The following PCDH7 variants were observed in gnomAD, a reference collection of about 807,000 sequenced individuals.
PCDH7 encodes protocadherin-7.
A neutral mutation model predicts 58.9 loss-of-function variants in PCDH7; 17 were observed. The ratio of observed to expected loss-of-function variants is 0.29; its 90% confidence interval spans 0.20 to 0.43. The LOEUF (loss-of-function observed/expected upper bound fraction) is 0.43. Ranked by LOEUF, PCDH7 falls within the 20% of genes least tolerant of loss-of-function variation. The pLI, the probability that PCDH7 is intolerant of heterozygous loss-of-function variation, is 1.00. For synonymous variants in PCDH7, 664 were observed against 616.4 expected, an observed-to-expected ratio of 1.08 and a Z score of -1.14; for missense variants, 1,274 against 1,441.0, an observed-to-expected ratio of 0.88 and a Z score of 1.88.
intron 3 of PCDH7, among the ~76,000 whole-genome samples, chr4:31,083,989 A>G (rs1352010602): frequency 1.3e-5 from 2 of 152,232 alleles, no homozygotes; most frequent in Non-Finnish European, 2.9e-5. Flanking sequence ...TTTATTAAAT[A>G]TCATGTGTTC....
At chr4:31,109,347 T>C (rs1351567489) in intron 3 of PCDH7, among the ~76,000 whole-genome samples, 2 of 152,340 alleles carry the variant, frequency 1.3e-5, no homozygotes, top group Non-Finnish European at 2.9e-5. Flanking sequence ...TTTTGAAATA[T>C]CTTTAAGCAT....
At chr4:30,986,836 C>T (rs1309828848) in intron 3 of PCDH7, among the ~76,000 whole-genome samples, 3 of 151,834 alleles carry the variant, frequency 2.0e-5, no homozygotes, top group Non-Finnish European at 2.9e-5. Flanking sequence ...CAAAAATTAG[C>T]TGAGTGTGGT....
chr4:30,861,713 A>G (rs567121288), intron 1 of PCDH7, among the ~76,000 whole-genome samples: 40 of 152,308 alleles, frequency 2.6e-4, no homozygotes, highest in African/African-American at 7.5e-4. Flanking sequence ...TTTTGAGACT[A>G]TAAACCCAAT....
At chr4:31,089,527 T>C (rs1712947008) in intron 3 of PCDH7, among the ~76,000 whole-genome samples, 1 of 152,072 alleles carries the variant, frequency 6.6e-6, no homozygotes, top group Admixed American at 6.6e-5. Flanking sequence ...GTATATAAAA[T>C]GCTGTATATT....
chr4:30,908,243 T>TAA (rs5857211), intron 1 of PCDH7, among the ~76,000 whole-genome samples: 63,283 of 140,734 alleles, frequency 0.45, 14,618 homozygotes, highest in African/African-American at 0.6. Flanking sequence ...TAAAGAATAA[T>TAA]AAAAAAAAAA....
At chr4:31,067,030 A>G (rs1014157833) in intron 3 of PCDH7, among the ~76,000 whole-genome samples, 1 of 151,976 alleles carries the variant, frequency 6.6e-6, no homozygotes, top group East Asian at 1.9e-4. Flanking sequence ...CATGAGGAAT[A>G]GGAGGCCTGG....
chr4:31,110,517 C>T (rs1478683554), intron 3 of PCDH7, among the ~76,000 whole-genome samples: 3 of 152,128 alleles, frequency 2.0e-5, no homozygotes, highest in Admixed American at 6.6e-5. Context: ...AACTTTAAAA[C>T]TAGTTGTTTA....
At chr4:30,812,667 A>G (rs1336647186) in intron 1 of PCDH7, among the ~76,000 whole-genome samples, 1 of 152,148 alleles carries the variant, frequency 6.6e-6, no homozygotes, top group East Asian at 1.9e-4. Context: ...AAATTCTAAA[A>G]GGGTAGGTTC....
At chr4:31,076,213 G>T (rs10939328) in intron 3 of PCDH7, among the ~76,000 whole-genome samples, 1 of 151,944 alleles carries the variant, frequency 6.6e-6, no homozygotes, top group African/African-American at 2.4e-5. Context: ...CAGCTCTGGC[G>T]TACTCATCAA....
chr4:30,855,276 A>T (rs1217643430), intron 1 of PCDH7, among the ~76,000 whole-genome samples: 1 of 152,164 alleles, frequency 6.6e-6, no homozygotes, highest in African/African-American at 2.4e-5. Context: ...ATTTGTCATG[A>T]TCAGAACAGA....
intron 3 of PCDH7, among the ~76,000 whole-genome samples, chr4:31,081,553 C>T (rs1759509628): frequency 6.6e-6 from 1 of 152,158 alleles, no homozygotes; most frequent in Admixed American, 6.5e-5. Flanking sequence ...CAATGATTCA[C>T]ATTTCTGTGT....
chr4:30,968,376 C>CTATATATATATATATATATATATATATA (rs60085619), intron 3 of PCDH7, among the ~76,000 whole-genome samples: 3 of 67,044 alleles, frequency 4.5e-5, no homozygotes, highest in Non-Finnish European at 8.0e-5. Context: ...TATACACACA[C>CTATATATATATATATATATATATATATA]TATATATATA....
intron 3 of PCDH7, among the ~76,000 whole-genome samples, chr4:31,026,030 A>T (rs1170666944): frequency 6.6e-6 from 1 of 152,322 alleles, no homozygotes; most frequent in South Asian, 2.1e-4. Context: ...TGTGTCAAAC[A>T]ATTTACCACG....
At chr4:31,115,661 C>G (rs1389727193) in intron 3 of PCDH7, among the ~76,000 whole-genome samples, 1 of 152,150 alleles carries the variant, frequency 6.6e-6, no homozygotes, top group Non-Finnish European at 1.5e-5. Flanking sequence ...TTATGATTCA[C>G]ATAACTAGGA....
intron 1 of PCDH7, among the ~76,000 whole-genome samples, chr4:30,798,490 T>G (rs1006582246): frequency 3.3e-5 from 5 of 152,212 alleles, no homozygotes; most frequent in Non-Finnish European, 7.3e-5. Flanking sequence ...GACTTACTTC[T>G]TTAAGTTGAG....
At chr4:30,730,716 T>C in intron 1 of PCDH7, 1 of 1,513,306 alleles carries the variant, frequency 6.6e-7, no homozygotes, top group Non-Finnish European at 9.0e-7. Context: ...TATCGATTTT[T>C]TTTTACCTGC....
intron 1 of PCDH7, among the ~76,000 whole-genome samples, chr4:30,820,580 C>A (rs947512313): frequency 1.1e-4 from 16 of 150,628 alleles, no homozygotes; most frequent in East Asian, 2.0e-4. Flanking sequence ...ATTACTGTGA[C>A]AAAGAGAAAA....
At chr4:30,891,780 T>TTG (rs1738639971) in intron 1 of PCDH7, among the ~76,000 whole-genome samples, 1 of 151,082 alleles carries the variant, frequency 6.6e-6, no homozygotes, top group South Asian at 2.1e-4. Flanking sequence ...TTTGTTTTTT[T>TTG]TTTTTCTCTG....
intron 1 of PCDH7, among the ~76,000 whole-genome samples, chr4:30,825,138 G>C (rs562883293): frequency 6.6e-6 from 1 of 152,174 alleles, no homozygotes; most frequent in East Asian, 1.9e-4. Flanking sequence ...GACACAAAGA[G>C]TACCACATTA....
Sources: gnomAD v4.1 joint callset for allele counts (sites outside exome capture counted in the v4.1 genomes callset) on GRCh38, gnomAD v4.1.1 for gene constraint, MANE v1.5 for transcripts, NCBI Gene and HGNC (gene_info 2026-07-23, HGNC 2026-07-21) for gene names.